KCNMA1: variants seen among roughly 807,000 people sequenced by gnomAD.
KCNMA1 encodes the protein potassium calcium-activated channel subfamily M alpha 1, also known as Calcium-activated potassium channel subunit alpha-1.
Under a neutral mutation model 140.0 loss-of-function variants are expected in KCNMA1, and 29 were observed. The ratio of observed to expected loss-of-function variants is 0.21; its 90% confidence interval spans 0.15 to 0.28. KCNMA1 has a LOEUF of 0.28. Among genes scored for constraint, KCNMA1 ranks in the 10% least tolerant of loss-of-function variants. The pLI is 1.00. For missense variants in KCNMA1, 880 were observed against 1,602.2 expected (o/e 0.55, Z 7.70); for synonymous variants, 612 against 611.9 (o/e 1.00, Z 0.00).
intron 2 of KCNMA1, among the ~76,000 whole-genome samples, chr10:77,277,877 G>A (rs959223483): frequency 2.6e-5 from 4 of 152,182 alleles, no homozygotes; most frequent in Non-Finnish European, 4.4e-5. Flanking sequence ...GACATGGACT[G>A]TTGGGACTTT....
intron 1 of KCNMA1, among the ~76,000 whole-genome samples, chr10:77,500,280 A>G (rs1355098998): frequency 6.6e-6 from 1 of 151,220 alleles, no homozygotes; most frequent in Non-Finnish European, 1.5e-5. Flanking sequence ...AATATATAAA[A>G]TTATACACTG....
chr10:77,127,929 T>C (rs1451935755), intron 5 of KCNMA1, among the ~76,000 whole-genome samples: 1 of 151,898 alleles, frequency 6.6e-6, no homozygotes, highest in Non-Finnish European at 1.5e-5. Context: ...AGCCGAGATC[T>C]CGCCACTGCA....
chr10:77,461,823 G>A (rs1296447261), intron 1 of KCNMA1, among the ~76,000 whole-genome samples: 1 of 152,058 alleles, frequency 6.6e-6, no homozygotes, highest in African/African-American at 2.4e-5. Context: ...ATTGCCCCGG[G>A]GACACCCAGG....
chr10:77,461,897 A>G (rs563591659), intron 1 of KCNMA1, among the ~76,000 whole-genome samples: 1 of 152,336 alleles, frequency 6.6e-6, no homozygotes, highest in East Asian at 1.9e-4. Context: ...CATCAAAGGC[A>G]AATTCCAGAG....
chr10:77,498,680 G>A (rs557243200), intron 1 of KCNMA1: 1 of 152,352 alleles, frequency 6.6e-6, no homozygotes, highest in South Asian at 2.1e-4. Context: ...GTGCACAGCA[G>A]AGGAGCCCAA....
intron 2 of KCNMA1, among the ~76,000 whole-genome samples, chr10:77,271,006 CTAA>C (rs1173546475): frequency 6.6e-6 from 1 of 152,122 alleles, no homozygotes; most frequent in Non-Finnish European, 1.5e-5. Context: ...TTAAAAATTC[CTAA>C]TGAGATACTA....
chr10:77,040,743 A>C (rs1484258126), intron 14 of KCNMA1, among the ~76,000 whole-genome samples: 3 of 152,216 alleles, frequency 2.0e-5, no homozygotes, highest in Non-Finnish European at 4.4e-5. Context: ...TCTACTTTGC[A>C]CAAAATGACA....
At chr10:76,874,896 G>C (rs1380036163), downstream of KCNMA1, 4 of 152,200 alleles carry the variant, frequency 2.6e-5, no homozygotes, top group Non-Finnish European at 5.9e-5. Context: ...CAGCCTGTTG[G>C]TGACCCACAG....
chr10:77,209,131 C>G (rs1189060600), intron 3 of KCNMA1, among the ~76,000 whole-genome samples: 1 of 152,136 alleles, frequency 6.6e-6, no homozygotes, highest in Non-Finnish European at 1.5e-5. Flanking sequence ...CTGGGTTAGT[C>G]CTTTCTCCAG....
chr10:76,881,037 T>C (rs1326752149), downstream of KCNMA1, among the ~76,000 whole-genome samples: 1 of 151,472 alleles, frequency 6.6e-6, no homozygotes, highest in East Asian at 1.9e-4. Flanking sequence ...GTCATTTCAG[T>C]CTGTGGCTGG....
chr10:77,375,482 T>C (rs924668690), intron 2 of KCNMA1, among the ~76,000 whole-genome samples: 2 of 152,180 alleles, frequency 1.3e-5, no homozygotes, highest in African/African-American at 4.8e-5. Flanking sequence ...ACCTGGTGCC[T>C]GCCTGGGGCT....
chr10:77,520,153 GTCT>G (rs1603632262), intron 1 of KCNMA1, among the ~76,000 whole-genome samples: 117 of 4,294 alleles, frequency 0.027, no homozygotes, highest in South Asian at 0.036. Flanking sequence ...GCAGTGTGAG[GTCT>G]GGCATATGCA....
chr10:77,295,638 G>A (rs1427508026), intron 2 of KCNMA1, among the ~76,000 whole-genome samples: 6 of 149,932 alleles, frequency 4.0e-5, no homozygotes, highest in East Asian at 4.0e-4. Flanking sequence ...AAAATTAGCC[G>A]GGCGCGGTGG....
At chr10:77,388,641 A>C (rs1407658180) in intron 2 of KCNMA1, among the ~76,000 whole-genome samples, 2 of 152,216 alleles carry the variant, frequency 1.3e-5, no homozygotes, top group East Asian at 3.8e-4. Flanking sequence ...AAAATATACC[A>C]CCTATGGCAA....
chr10:76,984,369 T>C (rs180923580), intron 19 of KCNMA1, among the ~76,000 whole-genome samples: 2 of 152,162 alleles, frequency 1.3e-5, no homozygotes, highest in East Asian at 3.9e-4. Context: ...TTTGTATTTT[T>C]AGTAGAGACG....
intron 3 of KCNMA1, among the ~76,000 whole-genome samples, chr10:77,233,000 T>C (rs935725343): frequency 5.9e-5 from 9 of 151,798 alleles, no homozygotes; most frequent in African/African-American, 1.9e-4. Context: ...GATCCTCTCA[T>C]CTCAGCCTCT....
chr10:77,364,454 A>G (rs1298876400), intron 2 of KCNMA1, among the ~76,000 whole-genome samples: 2 of 152,154 alleles, frequency 1.3e-5, no homozygotes, highest in East Asian at 3.9e-4. Flanking sequence ...CCATCTCAAA[A>G]AAAAGAAAGA....
At chr10:77,319,191 G>A (rs2081656467) in intron 2 of KCNMA1, among the ~76,000 whole-genome samples, 1 of 152,124 alleles carries the variant, frequency 6.6e-6, no homozygotes, top group South Asian at 2.1e-4. Flanking sequence ...ACAGCATCTT[G>A]TTTTGCCCTG....
intron 18 of KCNMA1, among the ~76,000 whole-genome samples, chr10:77,003,451 T>C (rs1390226217): frequency 2.0e-5 from 3 of 152,346 alleles, no homozygotes; most frequent in African/African-American, 2.4e-5. Flanking sequence ...ATTAAAGACA[T>C]GAACATAAAT....
Sources: gnomAD v4.1 joint callset for allele counts (sites outside exome capture counted in the v4.1 genomes callset) on GRCh38, gnomAD v4.1.1 for gene constraint, MANE v1.5 for transcripts, NCBI Gene and HGNC (gene_info 2026-07-23, HGNC 2026-07-21) for gene names.